APOOL: variants seen among roughly 807,000 people sequenced by gnomAD.
APOOL encodes MICOS complex subunit MIC27.
In APOOL, 12 loss-of-function variants were observed where a neutral mutation model predicts 23.1. The observed-to-expected ratio is 0.52, with a 90% CI of 0.33 to 0.84. The LOEUF (loss-of-function observed/expected upper bound fraction) is 0.84, where lower values mean the gene tolerates loss of function less well. Among genes scored for constraint, APOOL ranks in the 40% least tolerant of loss-of-function variants. The pLI is 0.02. For synonymous variants in APOOL, 77 were observed against 69.9 expected, an observed-to-expected ratio of 1.10 and a Z score of -0.51; for missense variants, 212 against 199.6, an observed-to-expected ratio of 1.06 and a Z score of -0.37.
chrX:85,025,180 G>A (rs1450642658), intron 1 of APOOL, among the ~76,000 whole-genome samples: 1 of 110,832 alleles, frequency 9.0e-6, no homozygotes, highest in African/African-American at 3.3e-5. Context: ...GAGAGTATGT[G>A]GGGAGGGGAG....
intron 5 of APOOL, among the ~76,000 whole-genome samples, chrX:85,057,235 A>G (rs1923002823): frequency 9.1e-6 from 1 of 110,030 alleles, no homozygotes; most frequent in Non-Finnish European, 1.9e-5. Context: ...TGTAGTCACT[A>G]GCCATTTTGG....
chrX:85,011,370 T>G (rs769039308), intron 1 of APOOL, among the ~76,000 whole-genome samples: 42 of 112,005 alleles, frequency 3.7e-4, no homozygotes, highest in Non-Finnish European at 7.0e-4. Context: ...TTTGTTTTTG[T>G]TGAATTTGCT....
At chrX:85,007,963 C>A (rs184536527) in intron 1 of APOOL, among the ~76,000 whole-genome samples, 5 of 111,195 alleles carry the variant, frequency 4.5e-5, no homozygotes, top group Admixed American at 9.5e-5. Flanking sequence ...GTAAGGAAAT[C>A]GAAACTGTAA....
At chrX:85,029,958 A>G (rs1299502235) in intron 1 of APOOL, among the ~76,000 whole-genome samples, 1 of 112,145 alleles carries the variant, frequency 8.9e-6, no homozygotes, top group East Asian at 2.8e-4. Context: ...GGGATTCCTT[A>G]AATAACTAAA....
In APOOL at chrX:85,092,652, A is replaced by T; in HGVS notation, c.*4974A>T. 7.3e-6 allele frequency: 6 copies of T among 826,953 alleles called. No individual in the cohort carries two copies. The South Asian group carries it at 1.8e-4, about 25-fold the overall frequency. 68.2% of individuals were successfully genotyped at this position (826,953 alleles called of 1,213,427 possible). On this transcript the variant is annotated 3_prime_UTR_variant, in exon 9 of 9. Transcript: ENST00000373173. ...TTTTATTGAAGGTCTACTCTATGCA[A>T]GACACTATGTGTGAATAATACTTCC...
intron 1 of APOOL, 95 bp from the exon 2 acceptor site, chrX:85,046,351 C>G: frequency 1.5e-6 from 1 of 686,293 alleles, no homozygotes; most frequent in Non-Finnish European, 2.1e-6. Context: ...TAAAGTGAAA[C>G]CAATAGATTT....
chrX:85,005,312 ATTTTTT>A (rs1403036529), intron 1 of APOOL, among the ~76,000 whole-genome samples: 1 of 85,683 alleles, frequency 1.2e-5, no homozygotes, highest in East Asian at 3.5e-4. Context: ...GCCCGGCTAA[ATTTTTT>A]TATTTTTATT....
rs781501743 is a variant in APOOL, at chrX:85,081,065, T to C, written c.719-6525T>C. On this transcript the variant is annotated intron_variant, in intron 8 of 8. Transcript: ENST00000373173. ...TTATCCAATTTGCCAGTCTGTGTCTTTTAATTGGGGCATTTAGCCCATTTA... is the reference window on the plus strand; with the variant it reads ...TTATCCAATTTGCCAGTCTGTGTCTCTTAATTGGGGCATTTAGCCCATTTA... Among the ~76,000 whole-genome samples, 35 of 111,964 alleles carry C rather than the reference T, an allele frequency of 3.1e-4. No homozygotes were observed. In the South Asian group the frequency reaches 0.013, roughly 41 times the overall value.
intron 1 of APOOL, among the ~76,000 whole-genome samples, chrX:85,011,301 C>G (rs1349845860): frequency 3.6e-5 from 4 of 111,720 alleles, no homozygotes; most frequent in Non-Finnish European, 7.5e-5. Context: ...TCTGTTTTCT[C>G]TGCTATTTTG....
At chrX:85,026,837 A>G (rs1175472938) in intron 1 of APOOL, among the ~76,000 whole-genome samples, 2 of 111,719 alleles carry the variant, frequency 1.8e-5, no homozygotes, top group African/African-American at 6.5e-5. Flanking sequence ...GGTCAAAACC[A>G]TTTAACCAGT....
At chrX:85,049,397 T>A (rs1922684517) in intron 2 of APOOL, among the ~76,000 whole-genome samples, 1 of 111,833 alleles carries the variant, frequency 8.9e-6, no homozygotes, top group Non-Finnish European at 1.9e-5. Flanking sequence ...TTAACCATTC[T>A]GACCCCTTTG....
In APOOL at chrX:85,090,723, C is replaced by T. The variant is rs1325952599; in HGVS notation, c.*3045C>T. On this transcript the variant is annotated 3_prime_UTR_variant, in exon 9 of 9. Coordinates refer to ENST00000373173, the MANE Select transcript of APOOL (RefSeq NM_198450.6). ...GTGTCCTCTTAGAATGTTCTTCCAT[C>T]TTATCCTGCTCTACATTCTAACTTC... is the stretch of plus-strand genomic sequence containing the variant. 1 of 112,012 alleles carries T rather than the reference C, an allele frequency of 8.9e-6. No individual in the cohort carries two copies. Among genetic ancestry groups the T allele is most frequent in the East Asian group, 2.8e-4 (1 of 3,549 alleles). The allele number at this position is 112,012 out of a possible 1,213,427, so 9.2% of individuals were successfully genotyped here.
At chrX:85,004,715 T>C (rs2042793352) in intron 1 of APOOL, among the ~76,000 whole-genome samples, 2 of 112,065 alleles carry the variant, frequency 1.8e-5, no homozygotes, top group African/African-American at 6.5e-5. Context: ...CTACCTGAAC[T>C]TGCCACCTCA....
chrX:85,077,574 A>G (rs367561865), intron 8 of APOOL, among the ~76,000 whole-genome samples: 2 of 111,521 alleles, frequency 1.8e-5, no homozygotes, highest in East Asian at 5.6e-4. Flanking sequence ...ACATATGTGT[A>G]CATGTGTGTT....
intron 1 of APOOL, among the ~76,000 whole-genome samples, chrX:85,038,233 C>T (rs971916126): frequency 3.0e-4 from 33 of 111,550 alleles, no homozygotes; most frequent in East Asian, 8.4e-4. Flanking sequence ...CCTTCTTGGT[C>T]GTGGTGTTTT....
intron 6 of APOOL, among the ~76,000 whole-genome samples, chrX:85,068,883 C>A (rs1047384546): frequency 9.0e-6 from 1 of 111,628 alleles, no homozygotes; most frequent in Non-Finnish European, 1.9e-5. Flanking sequence ...TTCTAGACAT[C>A]TTCACATGCA....
chrX:85,047,603 T>G (rs945742678), intron 2 of APOOL, among the ~76,000 whole-genome samples: 2 of 111,653 alleles, frequency 1.8e-5, no homozygotes, highest in African/African-American at 6.5e-5. Flanking sequence ...CATGGACTAC[T>G]GGTAAGGTAT....
At chrX:85,071,899 C>A (rs911748878) in intron 6 of APOOL, among the ~76,000 whole-genome samples, 1 of 111,925 alleles carries the variant, frequency 8.9e-6, no homozygotes, top group African/African-American at 3.2e-5. Flanking sequence ...TCGAGACCAT[C>A]CTGGCTAACA....
intron 1 of APOOL, among the ~76,000 whole-genome samples, chrX:85,008,085 A>C (rs1381113489): frequency 9.0e-6 from 1 of 110,943 alleles, no homozygotes; most frequent in South Asian, 3.8e-4. Flanking sequence ...TAGCTATAAG[A>C]CCCTCTGGGT....
Sources: gnomAD v4.1 joint callset for allele counts (sites outside exome capture counted in the v4.1 genomes callset) on GRCh38, gnomAD v4.1.1 for gene constraint, MANE v1.5 for transcripts, NCBI Gene and HGNC (gene_info 2026-07-23, HGNC 2026-07-21) for gene names.